The following EPHA6 variants were observed in gnomAD, a reference collection of about 807,000 sequenced individuals.
EPHA6 encodes the protein EPH receptor A6, also known as ephrin type-A receptor 6.
A neutral mutation model predicts 112.0 loss-of-function variants in EPHA6; 50 were observed. The observed-to-expected ratio is 0.45, with a 90% CI of 0.36 to 0.56. The LOEUF (loss-of-function observed/expected upper bound fraction) is 0.56, where lower values mean the gene tolerates loss of function less well. Among genes scored for constraint, EPHA6 ranks in the 20% least tolerant of loss-of-function variants. The pLI, the probability that EPHA6 is intolerant of heterozygous loss-of-function variation, is 0.00. For missense variants in EPHA6, 1,280 were observed against 1,417.4 expected, an observed-to-expected ratio of 0.90 and a Z score of 1.56; for synonymous variants, 529 against 490.7, an observed-to-expected ratio of 1.08 and a Z score of -1.03.
chr3:97,441,714 G>A (rs1349631235), intron 6 of EPHA6, among the ~76,000 whole-genome samples: 1 of 151,968 alleles, frequency 6.6e-6, no homozygotes, highest in African/African-American at 2.4e-5. Context: ...TGTTACTATA[G>A]TGACTAAAAT....
At chr3:97,669,351 G>A (rs778947166) in intron 14 of EPHA6, among the ~76,000 whole-genome samples, 1 of 149,398 alleles carries the variant, frequency 6.7e-6, no homozygotes, top group African/African-American at 2.5e-5. Context: ...GTAGATCAGT[G>A]TATCAGTAAT....
At chr3:96,974,491 TA>T (rs2042444373) in intron 2 of EPHA6, among the ~76,000 whole-genome samples, 2 of 150,932 alleles carry the variant, frequency 1.3e-5, no homozygotes, top group African/African-American at 2.4e-5. Context: ...TTTTTTTTTT[TA>T]ATTTATGTTT....
chr3:97,463,092 A>T (rs1219792627), intron 7 of EPHA6, among the ~76,000 whole-genome samples: 1 of 152,192 alleles, frequency 6.6e-6, no homozygotes, highest in Non-Finnish European at 1.5e-5. Context: ...AAACAAAAAA[A>T]GATGAATTTT....
At position 97,244,134 on chromosome 3, in the gene EPHA6, A is replaced by G; in HGVS notation, c.1453A>G (p.Arg485Gly). Residue 485 changes from arginine to glycine, a missense_variant, in exon 5 of 18, where the codon AGA becomes GGA. Arg to Gly is a moderately radical substitution (Grantham distance 125). Coordinates refer to ENST00000389672, the MANE Select transcript of EPHA6 (RefSeq NM_001080448.3). Reference protein sequence around the residue: ...DCGGGLRFIPRHTGLINNSVI... With the variant: ...DCGGGLRFIPGHTGLINNSVI... ...TGGTGGAGGACTCCGCTTCATCCCA[A>G]GACATACAGGCCTGATCAACAATTC... is the stretch of plus-strand genomic sequence containing the variant. The G allele has an allele frequency of 6.2e-7, 1 of 1,613,100 alleles. No individual in the cohort carries two copies. The highest frequency in any genetic ancestry group is 8.5e-7 in the Non-Finnish European group (1 of 1,179,342).
intron 3 of EPHA6, among the ~76,000 whole-genome samples, chr3:97,126,371 G>A (rs1357008863): frequency 2.0e-5 from 3 of 152,106 alleles, no homozygotes; most frequent in African/African-American, 7.2e-5. Context: ...TCCCAGTGCA[G>A]AAGAAAACAG....
intron 3 of EPHA6, among the ~76,000 whole-genome samples, chr3:97,127,688 C>T (rs1032657540): frequency 4.0e-5 from 6 of 150,070 alleles, no homozygotes; most frequent in Non-Finnish European, 7.4e-5. Context: ...GCACTGCAGC[C>T]TGGGCGACAG....
At chr3:97,299,454 G>A (rs1038912492) in intron 5 of EPHA6, among the ~76,000 whole-genome samples, 2 of 152,036 alleles carry the variant, frequency 1.3e-5, no homozygotes, top group Admixed American at 1.3e-4. Context: ...AAATAAATGT[G>A]GGAGAGTTTG....
chr3:96,972,424 AACACACACACACACACAC>A (rs3070424), intron 2 of EPHA6, among the ~76,000 whole-genome samples: 1,945 of 144,860 alleles, frequency 0.013, 26 homozygotes, highest in Admixed American at 0.025. Flanking sequence ...CACACACACA[AACACACACACACACACAC>A]ACACACACAC....
intron 1 of EPHA6, among the ~76,000 whole-genome samples, chr3:96,845,121 G>A (rs2034993335): frequency 6.6e-6 from 1 of 151,724 alleles, no homozygotes; most frequent in Non-Finnish European, 1.5e-5. Context: ...TTTTTTAAAC[G>A]AGGAAAGAAT....
rs1331444465 is a variant in EPHA6 at position 97,710,796 on chromosome 3, G to T, written c.2785-9465G>T. ...CTGCTTGTCCAAAACAAGCACCCCA[G>T]GATTTATGAGAATCACCCTTGTGTA... On this transcript the variant is annotated intron_variant, in intron 14 of 17. Coordinates refer to ENST00000389672, the MANE Select transcript of EPHA6 (RefSeq NM_001080448.3). Among the ~76,000 whole-genome samples, 5 of 152,216 alleles carry T rather than the reference G, an allele frequency of 3.3e-5. No individual in the cohort carries two copies. In the East Asian group the frequency reaches 9.7e-4, roughly 29 times the overall value.
intron 14 of EPHA6, among the ~76,000 whole-genome samples, chr3:97,662,792 G>A (rs1351807028): frequency 6.6e-6 from 1 of 152,198 alleles, no homozygotes; most frequent in African/African-American, 2.4e-5. Flanking sequence ...CTGTATCCAA[G>A]TGACGAGCTA....
At chr3:97,649,329 C>T (rs2019448) in intron 14 of EPHA6, among the ~76,000 whole-genome samples, 1 of 151,972 alleles carries the variant, frequency 6.6e-6, no homozygotes, top group African/African-American at 2.4e-5. Context: ...GGGAAACCAC[C>T]CCATGATTCA....
chr3:97,167,582 C>T (rs1424493007), intron 3 of EPHA6, among the ~76,000 whole-genome samples: 1 of 151,976 alleles, frequency 6.6e-6, no homozygotes, highest in African/African-American at 2.4e-5. Context: ...AAGTTCAAAA[C>T]CCTGAGTATT....
intron 10 of EPHA6, among the ~76,000 whole-genome samples, chr3:97,510,624 C>T (rs962116535): frequency 3.9e-5 from 6 of 152,140 alleles, no homozygotes; most frequent in Non-Finnish European, 8.8e-5. Flanking sequence ...TGTCTGTTGA[C>T]ACCTCCTGGG....
chr3:96,913,283 T>C (rs2039323293), intron 2 of EPHA6, among the ~76,000 whole-genome samples: 1 of 151,302 alleles, frequency 6.6e-6, no homozygotes, highest in Admixed American at 6.6e-5. Flanking sequence ...GGTGGGAGGA[T>C]TGCTCGAGCT....
At chr3:97,048,739 CTG>C (rs2045591278) in intron 3 of EPHA6, among the ~76,000 whole-genome samples, 3 of 152,156 alleles carry the variant, frequency 2.0e-5, no homozygotes, top group Admixed American at 6.5e-5. Flanking sequence ...GTGAACAAAA[CTG>C]TGCAAAATCC....
intron 3 of EPHA6, among the ~76,000 whole-genome samples, chr3:97,074,396 G>GT (rs1181258850): frequency 6.6e-6 from 1 of 151,832 alleles, no homozygotes; most frequent in Non-Finnish European, 1.5e-5. Context: ...GTGTAGAAGA[G>GT]TTTTTCTTTT....
At chr3:97,719,090 C>CCCCCCCCA (rs2034390349) in intron 14 of EPHA6, among the ~76,000 whole-genome samples, 1 of 11,408 alleles carries the variant, frequency 8.8e-5, no homozygotes, top group Non-Finnish European at 1.8e-4. Flanking sequence ...CCCCCCCCAC[C>CCCCCCCCA]CCCCCCCCCA....
At chr3:96,864,753 A>G (rs960269417) in intron 1 of EPHA6, among the ~76,000 whole-genome samples, 1 of 152,108 alleles carries the variant, frequency 6.6e-6, no homozygotes, top group Non-Finnish European at 1.5e-5. Context: ...TTTAAAAAAA[A>G]CACTTAAACA....
Sources: gnomAD v4.1 joint callset for allele counts (sites outside exome capture counted in the v4.1 genomes callset) on GRCh38, gnomAD v4.1.1 for gene constraint, MANE v1.5 for transcripts, NCBI Gene and HGNC (gene_info 2026-07-23, HGNC 2026-07-21) for gene names.